The following PGAP6 variants were observed in gnomAD, a reference collection of about 807,000 sequenced individuals.
The protein encoded by PGAP6 is post-GPI attachment to proteins 6.
PGAP6 carries 62 observed loss-of-function variants against 68.4 expected under a neutral mutation model. The ratio of observed to expected loss-of-function variants is 0.91; its 90% CI spans 0.74 to 1.12. The LOEUF (loss-of-function observed/expected upper bound fraction) is 1.12. Among genes scored for constraint, PGAP6 ranks in the 50% most tolerant of loss-of-function variants. The probability of loss-of-function intolerance (pLI) is 0.00; values close to 1 mark genes in which losing one functional copy is unlikely to be tolerated. For missense variants in PGAP6, 1,188 were observed against 1,068.5 expected, an observed-to-expected ratio of 1.11 and a Z score of -1.56; for synonymous variants, 575 against 474.0, an observed-to-expected ratio of 1.21 and a Z score of -2.77.
intron 1 of PGAP6, among the ~76,000 whole-genome samples, chr16:379,123 G>A (rs575832160): frequency 6.6e-6 from 1 of 152,332 alleles, no homozygotes; most frequent in Non-Finnish European, 1.5e-5. Context: ...GCTTCAGAAG[G>A]AAAAGCACAG....
intron 1 of PGAP6, among the ~76,000 whole-genome samples, chr16:380,366 G>A (rs868222016): frequency 4.0e-5 from 6 of 148,870 alleles, no homozygotes; most frequent in Non-Finnish European, 8.9e-5. Context: ...TTTTCTTTCT[G>A]TCTTTCTTTT....
At position 371,847 on chromosome 16, in the gene PGAP6, A is replaced by G. The variant is rs1367946233; in HGVS notation, c.*140T>C. ...GTGAGGGAGGGGTGGCCCTCTCCTC[A>G]GTAGGAGGAAGTAAGAGGGTATCTA... On this transcript the variant is annotated 3_prime_UTR_variant, in exon 13 of 13. Transcript: ENST00000431232. 13 of 857,978 alleles carry G rather than the reference A, an allele frequency of 1.5e-5. No homozygotes were observed. The highest frequency in any genetic ancestry group is 7.0e-4 in the Middle Eastern group (2 of 2,876). The allele number at this position is 857,978 out of a possible 1,614,324, so 53.1% of individuals were successfully genotyped here.
chr16:372,731 C>T lies in PGAP6; in HGVS notation c.1903-4G>A, dbSNP rs372553836. The T allele has an allele frequency of 3.2e-5, 51 of 1,603,750 alleles. No individual in the cohort carries two copies. Among genetic ancestry groups the T allele is most frequent in the Middle Eastern group, 1.7e-4 (1 of 6,048 alleles). On this transcript the variant is annotated splice_polypyrimidine_tract_variant and splice_region_variant and intron_variant, in intron 11 of 12. Transcript: ENST00000431232. ...GTGTACCCAGAAGAAACAGCACCTGCGCAAGACACAGGGATGACTGCAGGG... is the reference window on the plus strand; with the variant it reads ...GTGTACCCAGAAGAAACAGCACCTGTGCAAGACACAGGGATGACTGCAGGG...
rs2141768378 is a variant in PGAP6, at chr16:381,834, G to C, written c.-13C>G. On this transcript the variant is annotated 5_prime_UTR_variant, in exon 1 of 13. Coordinates refer to ENST00000431232, the MANE Select transcript of PGAP6 (RefSeq NM_021259.3). Reference sequence around the variant, plus strand: ...CAGCCCGGCCCATGGCTCCGCGCTCGGCCCGGCGCTACCCGGCCCGCGTCC... The same window carrying C: ...CAGCCCGGCCCATGGCTCCGCGCTCCGCCCGGCGCTACCCGGCCCGCGTCC... 17 of 1,037,398 alleles carry C rather than the reference G, an allele frequency of 1.6e-5. No homozygotes were observed. The highest frequency in any genetic ancestry group is 7.7e-5 in the East Asian group (1 of 12,972). The allele number at this position is 1,037,398 out of a possible 1,614,324, so 64.3% of individuals were successfully genotyped here. A position where few individuals can be genotyped will look rare whatever the true frequency, so the allele number is the denominator to read the frequency against.
chr16:377,925 T>C (rs61261356), intron 1 of PGAP6, 77 bp from the exon 2 acceptor site: 743,769 of 1,339,024 alleles, frequency 0.56, 208,482 homozygotes, highest in South Asian at 0.69. Context: ...GTCCCCCAGA[T>C]GGAAAGGGCT....
chr16:375,079 C>G, intron 8 of PGAP6, 54 bp downstream of exon 8: 6 of 1,602,806 alleles, frequency 3.7e-6, no homozygotes, highest in Non-Finnish European at 4.3e-6. Flanking sequence ...GGCCTGTGGT[C>G]CTGAGTGAAA....
At chr16:386,726 C>CA (rs10544230), upstream of PGAP6, 12,945 of 308,468 alleles carry the variant, frequency 0.042, 1 homozygote, top group Middle Eastern at 0.079. Context: ...AAAAAAAAAC[C>CA]AAAAAAAAAA....
chr16:376,053 C>T, intron 6 of PGAP6, 83 bp downstream of exon 6: 2 of 1,388,372 alleles, frequency 1.4e-6, no homozygotes, highest in South Asian at 1.3e-5. Flanking sequence ...TGTCCCGTGC[C>T]AAGGTAAATG....
rs749282297 is a variant in PGAP6, at chr16:377,598, G to C, written c.300-13C>G. ...GGAACGGAAGTGCCTGGAGACGGGA[G>C]AGCAGCACCGGGTTCAGGCACAGGG... On this transcript the variant is annotated splice_polypyrimidine_tract_variant and intron_variant, in intron 2 of 12. Transcript: ENST00000431232. 2 of 1,569,970 alleles carry C rather than the reference G, an allele frequency of 1.3e-6. No homozygotes were observed. The highest frequency in any genetic ancestry group is 1.9e-5 in the Admixed American group (1 of 53,202).
At chr16:374,992 G>A (rs1389716810) in intron 8 of PGAP6, 100 bp from the exon 9 acceptor site, 4 of 1,584,298 alleles carry the variant, frequency 2.5e-6, no homozygotes, top group Non-Finnish European at 3.4e-6. Flanking sequence ...CGCAGCATTA[G>A]GGCCCCCAGC....
chr16:386,665 A>G, upstream of PGAP6: 1 of 367,186 alleles, frequency 2.7e-6, no homozygotes, highest in East Asian at 7.4e-5. Context: ...TCATAAAAAA[A>G]GGGTCATTTT....
intron 1 of PGAP6, among the ~76,000 whole-genome samples, chr16:380,683 G>A (rs1300316347): frequency 6.6e-6 from 1 of 152,184 alleles, no homozygotes; most frequent in Non-Finnish European, 1.5e-5. Context: ...ATTTAATCCG[G>A]GGCACGGTCC....
chr16:378,901 G>A (rs970308336), intron 1 of PGAP6, among the ~76,000 whole-genome samples: 1 of 152,218 alleles, frequency 6.6e-6, no homozygotes, highest in Non-Finnish European at 1.5e-5. Context: ...CCTGGTGCGG[G>A]GATGGAGAAG....
rs1053224378 is a variant in PGAP6, at chr16:375,183, C to T, written c.1389G>A (p.Glu463=). The stretch of plus-strand genomic sequence containing the variant: ...GCAGGGAGAGGTACCAGTTGTCTGT[C>T]TCTGGGTAGGGGATGATGAGGTTGG... ...RRANLIIPYP[E]TDNWYLSLQL... is the part of the protein sequence containing the mutation. The change falls in exon 8 of 13, where the codon GAG becomes GAA. Residue 463 remains glutamate (E), a synonymous_variant. Coordinates refer to ENST00000431232, the MANE Select transcript of PGAP6 (RefSeq NM_021259.3). 1 of 1,613,484 alleles carries T rather than the reference C, an allele frequency of 6.2e-7. No homozygotes were observed. Among genetic ancestry groups the T allele is most frequent in the Non-Finnish European group, 8.5e-7 (1 of 1,179,996 alleles).
chr16:382,023 G>A (rs1156977281), upstream of PGAP6: 1 of 853,632 alleles, frequency 1.2e-6, no homozygotes, highest in Non-Finnish European at 1.5e-6. Context: ...GGAAGGCGAG[G>A]GCGGGGTCGG....
At position 371,489 on chromosome 16, in the gene PGAP6, G is replaced by A. The variant is rs762144988; in HGVS notation, c.*498C>T. 3 of 162,748 alleles carry A rather than the reference G, an allele frequency of 1.8e-5. No individual in the cohort carries two copies. Among genetic ancestry groups the A allele is most frequent in the Non-Finnish European group, 2.7e-5 (2 of 74,504 alleles). The allele number at this position is 162,748 out of a possible 1,614,324, so 10.1% of individuals were successfully genotyped here. ...CTATGGTGACCACAGCAGCAGAGGG[G>A]GATCCTCCATGCCCCAGGCAGGCTG... On this transcript the variant is annotated 3_prime_UTR_variant, in exon 13 of 13. Coordinates refer to ENST00000431232, the MANE Select transcript of PGAP6 (RefSeq NM_021259.3).
At chr16:377,016 G>GC in intron 4 of PGAP6, 21 bp downstream of exon 4, 1 of 1,611,786 alleles carries the variant, frequency 6.2e-7, no homozygotes, top group Non-Finnish European at 8.5e-7. Context: ...GAGCCGGGCT[G>GC]CCCCCCAGGC....
At chr16:383,196 G>C (rs1399712553), upstream of PGAP6, 1 of 90,130 alleles carries the variant, frequency 1.1e-5, no homozygotes. Context: ...AGGGTAAAAA[G>C]TTTAAAAAAA....
intron 3 of PGAP6, 102 bp from the exon 4 acceptor site, chr16:377,266 C>T (rs1232089508): frequency 1.3e-6 from 2 of 1,591,064 alleles, no homozygotes; most frequent in African/African-American, 2.7e-5. Flanking sequence ...AGGGCTGGCC[C>T]CAGAGTGCAG....
Sources: gnomAD v4.1 joint callset for allele counts (sites outside exome capture counted in the v4.1 genomes callset) on GRCh38, gnomAD v4.1.1 for gene constraint, MANE v1.5 for transcripts, NCBI Gene and HGNC (gene_info 2026-07-23, HGNC 2026-07-21) for gene names.